Variants in NDST4 observed in about 807,000 individuals in gnomAD.
NDST4 encodes N-deacetylase and N-sulfotransferase 4, also known as N-heparan sulfate sulfotransferase 4.
A neutral mutation model predicts 100.8 loss-of-function variants in NDST4; 63 were observed. That is an observed-to-expected ratio of 0.62 (90% confidence interval 0.51 to 0.77). NDST4 has a LOEUF of 0.77. Among genes scored for constraint, NDST4 ranks in the 30% least tolerant of loss-of-function variants. The pLI is 0.00. For missense variants in NDST4, 943 were observed against 1,018.4 expected (o/e 0.93, Z 1.01); for synonymous variants, 377 against 361.8 (o/e 1.04, Z -0.48).
At chr4:114,994,693 C>G (rs1727121762) in intron 2 of NDST4, among the ~76,000 whole-genome samples, 2 of 151,826 alleles carry the variant, frequency 1.3e-5, no homozygotes, top group South Asian at 2.1e-4. Context: ...GGTTTTGGAG[C>G]CTTTGGGGTT....
intron 4 of NDST4, among the ~76,000 whole-genome samples, chr4:114,962,856 A>G (rs1217459134): frequency 6.6e-6 from 1 of 152,126 alleles, no homozygotes; most frequent in East Asian, 1.9e-4. Flanking sequence ...AGTCAAAATC[A>G]TCTTGAAAGA....
chr4:114,991,190 G>A lies in NDST4; in HGVS notation c.979-13916C>T, dbSNP rs763946399. ...ACTATAGACAGTCGATCAATCTCTC[G>A]AGACCATGGTGCACTTATTTAAGAC... On this transcript the variant is annotated intron_variant, in intron 2 of 13. Transcript: ENST00000264363. Among the ~76,000 whole-genome samples the A allele has an allele frequency of 2.8e-4, 42 of 152,118 alleles. 1 individual carries two copies. Among genetic ancestry groups the A allele is most frequent in the Non-Finnish European group, 5.0e-4 (34 of 67,946 alleles).
chr4:114,889,912 T>C (rs1724558187), intron 6 of NDST4, among the ~76,000 whole-genome samples: 1 of 152,160 alleles, frequency 6.6e-6, no homozygotes. Flanking sequence ...AAGTACTTGG[T>C]TCACAATGAA....
intron 6 of NDST4, among the ~76,000 whole-genome samples, chr4:114,923,874 T>C (rs1382655967): frequency 6.6e-6 from 1 of 151,672 alleles, no homozygotes; most frequent in Admixed American, 6.6e-5. Context: ...CCAGTTATAC[T>C]AGATGGAAAA....
At chr4:115,019,619 T>G (rs1015534916) in intron 2 of NDST4, among the ~76,000 whole-genome samples, 7 of 152,066 alleles carry the variant, frequency 4.6e-5, no homozygotes, top group African/African-American at 1.7e-4. Flanking sequence ...TGTAAAAGTT[T>G]TATAATTTAA....
chr4:115,022,486 A>G (rs113987500), intron 2 of NDST4, among the ~76,000 whole-genome samples: 98 of 83,848 alleles, frequency 1.2e-3, no homozygotes, highest in African/African-American at 5.6e-3. Context: ...TTCCATATAT[A>G]TGTTCCATAT....
chr4:114,926,375 C>A (rs1317289115), intron 6 of NDST4, among the ~76,000 whole-genome samples: 1 of 151,936 alleles, frequency 6.6e-6, no homozygotes, highest in African/African-American at 2.4e-5. Flanking sequence ...TTGCAGTTGG[C>A]TGAATCAAAA....
At chr4:114,907,576 A>G (rs766521779) in intron 6 of NDST4, among the ~76,000 whole-genome samples, 20 of 152,180 alleles carry the variant, frequency 1.3e-4, no homozygotes, top group South Asian at 2.1e-4. Flanking sequence ...TCAATCTAAT[A>G]TGCACACTTA....
At chr4:114,929,097 C>CATCT (rs1283647279) in intron 6 of NDST4, among the ~76,000 whole-genome samples, 3,291 of 126,236 alleles carry the variant, frequency 0.026, 122 homozygotes, top group East Asian at 0.15. Context: ...TCCATCCATC[C>CATCT]ATCCATCCAT....
intron 6 of NDST4, among the ~76,000 whole-genome samples, chr4:114,896,533 A>T (rs1422272615): frequency 6.6e-6 from 1 of 151,742 alleles, no homozygotes; most frequent in African/African-American, 2.4e-5. Context: ...CTGAGGCAGG[A>T]GAATCACTCC....
chr4:114,959,207 A>G (rs1027816885), intron 4 of NDST4, among the ~76,000 whole-genome samples: 1 of 152,206 alleles, frequency 6.6e-6, no homozygotes, highest in South Asian at 2.1e-4. Flanking sequence ...CAAAATTTCC[A>G]ACAATTTCAT....
At chr4:114,944,763 A>G (rs1725824064) in intron 4 of NDST4, among the ~76,000 whole-genome samples, 1 of 152,156 alleles carries the variant, frequency 6.6e-6, no homozygotes. Context: ...GAAGATAACC[A>G]CATCTTTAAA....
chr4:114,935,486 G>A, intron 5 of NDST4, 152 bp from the exon 6 acceptor site: 1 of 612,754 alleles, frequency 1.6e-6, no homozygotes, highest in Non-Finnish European at 2.5e-6. Context: ...AGTTGATGTT[G>A]GTGCAATTCT....
At chr4:114,980,262 T>A (rs1726737290) in intron 2 of NDST4, among the ~76,000 whole-genome samples, 2 of 152,216 alleles carry the variant, frequency 1.3e-5, no homozygotes, top group South Asian at 4.1e-4. Flanking sequence ...TTTCTCAATT[T>A]GGGATACAAA....
At chr4:114,856,984 A>G (rs892169094) in intron 7 of NDST4, among the ~76,000 whole-genome samples, 3 of 152,210 alleles carry the variant, frequency 2.0e-5, no homozygotes, top group African/African-American at 7.2e-5. Context: ...TGAGTGATAC[A>G]GATAGCTTCA....
At chr4:114,927,388 G>C (rs1424705205) in intron 6 of NDST4, among the ~76,000 whole-genome samples, 1 of 151,904 alleles carries the variant, frequency 6.6e-6, no homozygotes, top group Non-Finnish European at 1.5e-5. Context: ...TTCAACAACA[G>C]GGAACTTAAT....
chr4:114,910,032 A>G (rs1205106813), intron 6 of NDST4, among the ~76,000 whole-genome samples: 2 of 152,200 alleles, frequency 1.3e-5, no homozygotes, highest in Non-Finnish European at 2.9e-5. Context: ...TCTGTTAAAC[A>G]TTTATGAGCT....
At chr4:114,961,788 C>T (rs915486423) in intron 4 of NDST4, among the ~76,000 whole-genome samples, 2 of 151,950 alleles carry the variant, frequency 1.3e-5, no homozygotes, top group African/African-American at 4.8e-5. Flanking sequence ...ACTTCTCTTC[C>T]CTTTATACAT....
chr4:114,838,996 C>G (rs1345719249), intron 11 of NDST4, among the ~76,000 whole-genome samples: 1 of 152,006 alleles, frequency 6.6e-6, no homozygotes, highest in Admixed American at 6.5e-5. Context: ...TGTGGTGTTT[C>G]GTAAAGTTGT....
Sources: allele counts gnomAD v4.1 joint callset (sites outside exome capture counted in the v4.1 genomes callset), GRCh38; gene constraint gnomAD v4.1.1; transcripts MANE v1.5; gene names NCBI Gene and HGNC (gene_info 2026-07-23, HGNC 2026-07-21).